LUZP2: variants seen among roughly 807,000 people sequenced by gnomAD.
LUZP2 encodes leucine zipper protein 2.
In LUZP2, 52 loss-of-function variants were observed where a neutral mutation model predicts 51.6. That is an observed-to-expected ratio of 1.01 (90% CI 0.81 to 1.27). The LOEUF (loss-of-function observed/expected upper bound fraction) is 1.27, where lower values mean the gene tolerates loss of function less well. Ranked by LOEUF, LUZP2 falls within the 50% of genes most tolerant of loss-of-function variation. The probability of loss-of-function intolerance (pLI) is 0.00; values close to 1 mark genes in which losing one functional copy is unlikely to be tolerated. For missense variants in LUZP2, 436 were observed against 395.4 expected (o/e 1.10, Z -0.87); for synonymous variants, 154 against 137.3 (o/e 1.12, Z -0.85).
In LUZP2 at chr11:24,713,693, T is replaced by TG. The variant is rs1364069472; in HGVS notation, c.63-15476_63-15475insG. ...ACAGAGTGAGAATCTGTTTTTTTTT[T>TG]TTTTTTTTTTTCTGAGATGGAGTCT... On this transcript the variant is annotated intron_variant, in intron 1 of 11. Transcript: ENST00000336930. Among the ~76,000 whole-genome samples the TG allele has an allele frequency of 4.9e-5, 7 of 143,484 alleles. No individual in the cohort carries two copies. In the East Asian group the frequency reaches 1.2e-3, roughly 25 times the overall value. 94.1% of individuals were successfully genotyped at this position (143,484 alleles called of 152,430 possible).
chr11:25,008,915 A>G (rs948766734), intron 9 of LUZP2, among the ~76,000 whole-genome samples: 7 of 151,952 alleles, frequency 4.6e-5, no homozygotes, highest in Admixed American at 1.3e-4. Flanking sequence ...GGAAGTTCTC[A>G]CTCTGGTAGT....
intron 1 of LUZP2, among the ~76,000 whole-genome samples, chr11:24,669,995 A>T (rs773993041): frequency 4.6e-5 from 7 of 152,092 alleles, no homozygotes; most frequent in African/African-American, 7.2e-5. Context: ...CTACATTCTG[A>T]ATTAAAAAAA....
chr11:24,633,304 T>C lies in LUZP2; in HGVS notation c.63-95865T>C, dbSNP rs532398701. Among the ~76,000 whole-genome samples, 17 of 152,110 alleles carry C rather than the reference T, an allele frequency of 1.1e-4. No individual in the cohort carries two copies. The South Asian group carries it at 3.1e-3, about 28-fold the overall frequency. On this transcript the variant is annotated intron_variant, in intron 1 of 11. Coordinates refer to ENST00000336930, the MANE Select transcript of LUZP2 (RefSeq NM_001009909.4). ...TATTTAAAAATAAAATGAGGATATA[T>C]AGGTTATTTTGAACCAAATCCAAAT...
At chr11:24,529,096 C>T in intron 1 of LUZP2, among the ~76,000 whole-genome samples, 1 of 150,914 alleles carries the variant, frequency 6.6e-6, no homozygotes, top group Non-Finnish European at 1.5e-5. Flanking sequence ...TAGTCATCCT[C>T]CACATCATAG....
chr11:24,571,143 A>G (rs1852427214), intron 1 of LUZP2, among the ~76,000 whole-genome samples: 1 of 152,116 alleles, frequency 6.6e-6, no homozygotes, highest in South Asian at 2.1e-4. Context: ...TTCTCCAGCT[A>G]CAGGGATATT....
At chr11:24,700,334 G>C (rs1857387937) in intron 1 of LUZP2, among the ~76,000 whole-genome samples, 1 of 152,110 alleles carries the variant, frequency 6.6e-6, no homozygotes, top group Non-Finnish European at 1.5e-5. Context: ...AAAGTGCTGG[G>C]ATTACAGGCA....
intron 5 of LUZP2, among the ~76,000 whole-genome samples, chr11:24,870,940 AT>A (rs539301148): frequency 6.6e-6 from 1 of 151,970 alleles, no homozygotes; most frequent in Non-Finnish European, 1.5e-5. Flanking sequence ...TCAGTTAACC[AT>A]TTTTTTGGTA....
At chr11:24,792,915 T>C (rs1564899226) in intron 5 of LUZP2, among the ~76,000 whole-genome samples, 1 of 152,132 alleles carries the variant, frequency 6.6e-6, no homozygotes, top group Non-Finnish European at 1.5e-5. Flanking sequence ...ATGACTTGTA[T>C]TTTTTATTCC....
intron 7 of LUZP2, among the ~76,000 whole-genome samples, chr11:24,955,872 A>C (rs901706273): frequency 6.6e-6 from 1 of 152,084 alleles, no homozygotes; most frequent in African/African-American, 2.4e-5. Flanking sequence ...AAATCACTGA[A>C]GTTGTTTTGT....
chr11:24,926,191 G>GTA lies in LUZP2; in HGVS notation c.522+11663_522+11664dup, dbSNP rs533130653. ...CATAAAGGCAATGTTATATATATGT[G>GTA]TATATATATATGTGTGTATATATAT... On this transcript the variant is annotated intron_variant, in intron 7 of 11. Transcript: ENST00000336930. Among the ~76,000 whole-genome samples, 521 of 147,462 alleles carry GTA rather than the reference G, an allele frequency of 3.5e-3. 7 individuals are homozygous for GTA. The highest frequency in any genetic ancestry group is 0.012 in the African/African-American group (488 of 39,934).
intron 1 of LUZP2, among the ~76,000 whole-genome samples, chr11:24,642,296 T>G (rs1855316821): frequency 6.6e-6 from 1 of 151,834 alleles, no homozygotes; most frequent in African/African-American, 2.4e-5. Context: ...TGTCCTGGGA[T>G]CTCCTGATTT....
intron 1 of LUZP2, among the ~76,000 whole-genome samples, chr11:24,602,140 A>G (rs146641765): frequency 0.024 from 1,904 of 78,248 alleles, 73 homozygotes; most frequent in African/African-American, 0.034. Flanking sequence ...ATGTGTATAT[A>G]TGTATATATG....
chr11:24,996,802 T>G (rs1856516537), intron 9 of LUZP2, among the ~76,000 whole-genome samples: 1 of 151,912 alleles, frequency 6.6e-6, no homozygotes, highest in Admixed American at 6.6e-5. Context: ...CAGAGTGTGA[T>G]GTTCCCCTTC....
At chr11:24,748,755 C>T (rs1448162186) in intron 4 of LUZP2, among the ~76,000 whole-genome samples, 1 of 152,048 alleles carries the variant, frequency 6.6e-6, no homozygotes, top group Non-Finnish European at 1.5e-5. Context: ...CTGCACCCAG[C>T]TGACTTCAAA....
At chr11:24,816,803 A>T (rs1198781561) in intron 5 of LUZP2, among the ~76,000 whole-genome samples, 1 of 152,156 alleles carries the variant, frequency 6.6e-6, no homozygotes, top group Non-Finnish European at 1.5e-5. Flanking sequence ...GACAAGTGAC[A>T]TATAAGACAT....
intron 5 of LUZP2, among the ~76,000 whole-genome samples, chr11:24,788,484 A>T (rs1849312165): frequency 6.6e-6 from 1 of 151,910 alleles, no homozygotes; most frequent in Non-Finnish European, 1.5e-5. Context: ...CACTGTGCCC[A>T]GCCCAGATGC....
chr11:24,827,225 T>C (rs182560523), intron 5 of LUZP2, among the ~76,000 whole-genome samples: 1 of 152,294 alleles, frequency 6.6e-6, no homozygotes, highest in Admixed American at 6.5e-5. Context: ...GTAACTTTGC[T>C]AGGAGTTACA....
chr11:24,776,264 A>G (rs1848919337), intron 5 of LUZP2, among the ~76,000 whole-genome samples: 1 of 152,230 alleles, frequency 6.6e-6, no homozygotes, highest in Non-Finnish European at 1.5e-5. Flanking sequence ...AATTAGAAAC[A>G]ATAGCCTATG....
At chr11:25,031,082 A>AGC (rs1857672317) in intron 9 of LUZP2, among the ~76,000 whole-genome samples, 1 of 134,344 alleles carries the variant, frequency 7.4e-6, no homozygotes, top group Non-Finnish European at 1.6e-5. Context: ...GTGTGATCTC[A>AGC]TCTCATGCAA....
Sources: gnomAD v4.1 joint callset for allele counts (sites outside exome capture counted in the v4.1 genomes callset) on GRCh38, gnomAD v4.1.1 for gene constraint, MANE v1.5 for transcripts, NCBI Gene and HGNC (gene_info 2026-07-23, HGNC 2026-07-21) for gene names.